The following RIMBP2 variants were observed in gnomAD, a reference collection of about 807,000 sequenced individuals.
RIMBP2 encodes the protein RIMS-binding protein 2.
In RIMBP2, 48 loss-of-function variants were observed where a neutral mutation model predicts 118.6. The ratio of observed to expected loss-of-function variants is 0.40; its 90% CI spans 0.32 to 0.51. The LOEUF (loss-of-function observed/expected upper bound fraction) is 0.51. RIMBP2 is among the 20% of genes least tolerant of loss of function. The probability of loss-of-function intolerance (pLI) is 0.41; values close to 1 mark genes in which losing one functional copy is unlikely to be tolerated. For missense variants in RIMBP2, 1,551 were observed against 1,768.3 expected (o/e 0.88, Z 2.20); for synonymous variants, 762 against 742.9 (o/e 1.03, Z -0.42).
intron 2 of RIMBP2, among the ~76,000 whole-genome samples, chr12:130,543,153 C>T (rs1239570242): frequency 6.6e-6 from 1 of 152,218 alleles, no homozygotes. Flanking sequence ...ATGACTCTAA[C>T]TTTCTTCTCC....
intron 1 of RIMBP2, among the ~76,000 whole-genome samples, chr12:130,672,784 A>G (rs1293673963): frequency 6.6e-6 from 1 of 152,216 alleles, no homozygotes; most frequent in Non-Finnish European, 1.5e-5. Context: ...TTTTCTCAAG[A>G]CAACTGTCAG....
intron 2 of RIMBP2, among the ~76,000 whole-genome samples, chr12:130,545,862 A>C (rs921499142): frequency 2.0e-5 from 3 of 152,206 alleles, no homozygotes; most frequent in Non-Finnish European, 4.4e-5. Flanking sequence ...TTCTGTGCCA[A>C]TACCGTTCTT....
chr12:130,438,344 A>AAAAAAAAAAAAC, intron 12 of RIMBP2, 21 bp downstream of exon 12: 1 of 685,544 alleles, frequency 1.5e-6, no homozygotes, highest in Non-Finnish European at 2.3e-6. Flanking sequence ...AACCCTCCCC[A>AAAAAAAAAAAAC]CCCACCCAAC....
chr12:130,589,558 A>C (rs546841936), intron 2 of RIMBP2, among the ~76,000 whole-genome samples: 1 of 152,294 alleles, frequency 6.6e-6, no homozygotes, highest in South Asian at 2.1e-4. Flanking sequence ...CTAACTCCTG[A>C]AACTCCACCA....
chr12:130,643,678 A>G (rs1413537682), intron 1 of RIMBP2, among the ~76,000 whole-genome samples: 1 of 152,334 alleles, frequency 6.6e-6, no homozygotes, highest in Non-Finnish European at 1.5e-5. Flanking sequence ...CCACTGCTCC[A>G]TGTCCTTCCA....
Position 130,429,808 on chromosome 12 carries a change from A to T in RIMBP2, c.2254-1471T>A, listed in dbSNP as rs539210339. On this transcript the variant is annotated intron_variant, in intron 14 of 22. Transcript: ENST00000690449. ...AGGACGGGAAGGGCCTCGGCCGGGC[A>T]GTCTGCAACACCAGCCTCTCAGCTG... 3 of 152,324 alleles carry T rather than the reference A, an allele frequency of 2.0e-5. No homozygotes were observed. In the South Asian group the frequency reaches 6.2e-4, roughly 32 times the overall value. 9.4% of individuals were successfully genotyped at this position (152,324 alleles called of 1,614,324 possible). A position where few individuals can be genotyped will look rare whatever the true frequency, so the allele number is the denominator to read the frequency against.
chr12:130,417,864 T>TGG (rs113499317), intron 17 of RIMBP2, among the ~76,000 whole-genome samples: 59 of 151,416 alleles, frequency 3.9e-4, no homozygotes, highest in African/African-American at 1.3e-3. Flanking sequence ...GGAGAGAGAA[T>TGG]GGGAGGGGAG....
intron 4 of RIMBP2, among the ~76,000 whole-genome samples, chr12:130,489,579 T>A (rs945638631): frequency 2.6e-5 from 4 of 152,050 alleles, no homozygotes; most frequent in African/African-American, 9.7e-5. Flanking sequence ...AGAGGCTCCA[T>A]CTCCTGTCTC....
At chr12:130,590,424 C>T (rs1157814377) in intron 2 of RIMBP2, among the ~76,000 whole-genome samples, 1 of 152,210 alleles carries the variant, frequency 6.6e-6, no homozygotes, top group Non-Finnish European at 1.5e-5. Context: ...TCCCCACTGT[C>T]CCTCAGCTCC....
chr12:130,502,861 CG>C (rs2049932273), intron 4 of RIMBP2, among the ~76,000 whole-genome samples: 1 of 152,098 alleles, frequency 6.6e-6, no homozygotes, highest in Admixed American at 6.6e-5. Flanking sequence ...AGGGATGCCA[CG>C]TGTGTCTCAC....
intron 4 of RIMBP2, among the ~76,000 whole-genome samples, chr12:130,492,513 C>T (rs978319969): frequency 4.0e-4 from 61 of 152,220 alleles, no homozygotes; most frequent in African/African-American, 1.4e-3. Flanking sequence ...CTCCTTCCTT[C>T]TCCTCTGGCC....
At chr12:130,401,111 T>TA in intron 21 of RIMBP2, among the ~76,000 whole-genome samples, 2 of 151,688 alleles carry the variant, frequency 1.3e-5, no homozygotes, top group African/African-American at 4.9e-5. Context: ...TAAAAATGAT[T>TA]TTATATCTTT....
rs772832116 is a variant in RIMBP2, at chr12:130,623,248, G to A, written c.-217+5074C>T. On this transcript the variant is annotated intron_variant, in intron 2 of 22. Coordinates refer to ENST00000690449, the MANE Select transcript of RIMBP2 (RefSeq NM_001393629.1). This position sits in a 1 kb window ranked among gnomAD's most constrained non-coding sequence, Gnocchi z 4.1. Reference sequence around the variant, plus strand: ...TATTTCAACACTTATACAAATAGAAGCACTTTTATTTTACTTTAAGTTCTT... The same window carrying A: ...TATTTCAACACTTATACAAATAGAAACACTTTTATTTTACTTTAAGTTCTT... 1.3e-5 allele frequency among the ~76,000 whole-genome samples: 2 copies of A among 152,100 alleles called. No homozygotes were observed. Among genetic ancestry groups the A allele is most frequent in the African/African-American group, 4.8e-5 (2 of 41,400 alleles).
intron 13 of RIMBP2, 91 bp downstream of exon 13, chr12:130,436,751 G>A (rs1286922172): frequency 4.6e-6 from 5 of 1,088,588 alleles, no homozygotes; most frequent in Non-Finnish European, 6.0e-6. Context: ...CTGGGATGCG[G>A]GTCCCCCTCC....
chr12:130,451,507 G>A lies in RIMBP2; in HGVS notation c.359-167C>T, dbSNP rs375493380. Among the ~76,000 whole-genome samples the A allele has an allele frequency of 2.7e-3, 406 of 152,344 alleles. 1 individual carries two copies. Among genetic ancestry groups the A allele is most frequent in the African/African-American group, 9.2e-3 (384 of 41,586 alleles). ...CTCGCCATCTATGTAGGCTGGCGGC[G>A]CGACCCCACCCTCAGCTCTGGGCCC... On this transcript the variant is annotated intron_variant, in intron 7 of 22. Coordinates refer to ENST00000690449, the MANE Select transcript of RIMBP2 (RefSeq NM_001393629.1).
intron 11 of RIMBP2, among the ~76,000 whole-genome samples, chr12:130,440,712 T>G (rs1040743824): frequency 6.6e-6 from 1 of 152,136 alleles, no homozygotes; most frequent in Non-Finnish European, 1.5e-5. Flanking sequence ...GGGGAGGAAA[T>G]AAAATGTCGT....
At chr12:130,647,375 C>T (rs1423280744) in intron 1 of RIMBP2, among the ~76,000 whole-genome samples, 2 of 152,018 alleles carry the variant, frequency 1.3e-5, no homozygotes, top group Admixed American at 6.5e-5. Flanking sequence ...AAACCAACAA[C>T]AAAAAAGAAG....
chr12:130,503,772 T>C (rs898365787), intron 4 of RIMBP2, among the ~76,000 whole-genome samples: 2 of 152,246 alleles, frequency 1.3e-5, no homozygotes, highest in East Asian at 3.8e-4. Flanking sequence ...CCAGCCTCCC[T>C]GGAAACTCGG....
chr12:130,587,868 G>A (rs570216292), intron 2 of RIMBP2, among the ~76,000 whole-genome samples: 79 of 151,012 alleles, frequency 5.2e-4, no homozygotes, highest in African/African-American at 1.9e-3. Flanking sequence ...AGATGGGGGA[G>A]CGGTGTCCTC....
Sources: allele counts gnomAD v4.1 joint callset (sites outside exome capture counted in the v4.1 genomes callset), GRCh38; gene constraint gnomAD v4.1.1; non-coding constraint Gnocchi (gnomAD v3.1); transcripts MANE v1.5; gene names NCBI Gene and HGNC (gene_info 2026-07-23, HGNC 2026-07-21).